The following ROBO1 variants were observed in gnomAD, a reference collection of about 807,000 sequenced individuals.
ROBO1 encodes roundabout homolog 1.
ROBO1 carries 149 observed loss-of-function variants against 195.9 expected under a neutral mutation model. That is an observed-to-expected ratio of 0.76 (90% CI 0.67 to 0.87). The LOEUF (loss-of-function observed/expected upper bound fraction) is 0.87. ROBO1 is among the 40% of genes least tolerant of loss of function. The probability of loss-of-function intolerance (pLI) is 0.00; values close to 1 mark genes in which losing one functional copy is unlikely to be tolerated. For synonymous variants in ROBO1, 816 were observed against 733.2 expected (o/e 1.11, Z -1.82); for missense variants, 1,933 against 2,068.3 (o/e 0.93, Z 1.27).
chr3:79,300,546 G>T (rs553307264), intron 2 of ROBO1, among the ~76,000 whole-genome samples: 1 of 152,172 alleles, frequency 6.6e-6, no homozygotes, highest in African/African-American at 2.4e-5. Context: ...CCCACTGAGC[G>T]CTGACCCCCG....
At chr3:78,650,656 G>T (rs904044929) in intron 19 of ROBO1, among the ~76,000 whole-genome samples, 2 of 152,128 alleles carry the variant, frequency 1.3e-5, no homozygotes, top group Non-Finnish European at 2.9e-5. Flanking sequence ...AAAATTCGTG[G>T]GAAAAAGTTG....
chr3:79,680,320 T>C (rs1946906528), intron 1 of ROBO1, among the ~76,000 whole-genome samples: 1 of 151,924 alleles, frequency 6.6e-6, no homozygotes. Flanking sequence ...CTTTGGAAAA[T>C]AGTACTAGTG....
intron 2 of ROBO1, among the ~76,000 whole-genome samples, chr3:79,503,345 A>G (rs1940214812): frequency 6.6e-6 from 1 of 152,160 alleles, no homozygotes; most frequent in South Asian, 2.1e-4. Context: ...ATCAGAAGAA[A>G]CAAACTCAGG....
At chr3:78,898,380 GTTT>G (rs773377988) in intron 4 of ROBO1, among the ~76,000 whole-genome samples, 818 of 100,876 alleles carry the variant, frequency 8.1e-3, no homozygotes, top group Non-Finnish European at 0.013. Flanking sequence ...GATAGATAGG[GTTT>G]TTTTTTTTTT....
chr3:78,620,926 G>C (rs2107430199), intron 26 of ROBO1, among the ~76,000 whole-genome samples: 1 of 133,944 alleles, frequency 7.5e-6, no homozygotes, highest in Non-Finnish European at 1.7e-5. Flanking sequence ...AGCTAGGAGA[G>C]ATATGTGCCA....
intron 8 of ROBO1, among the ~76,000 whole-genome samples, chr3:78,702,780 A>G (rs1017527742): frequency 6.6e-6 from 1 of 152,180 alleles, no homozygotes; most frequent in Non-Finnish European, 1.5e-5. Flanking sequence ...AACCTTACCC[A>G]CTGTTATGTA....
At chr3:78,676,274 C>T (rs1708418166) in intron 10 of ROBO1, among the ~76,000 whole-genome samples, 1 of 152,186 alleles carries the variant, frequency 6.6e-6, no homozygotes, top group Non-Finnish European at 1.5e-5. Context: ...AGCACCTCTC[C>T]TCCTCCAAAG....
At chr3:79,507,690 C>A (rs575720254) in intron 2 of ROBO1, among the ~76,000 whole-genome samples, 2 of 152,092 alleles carry the variant, frequency 1.3e-5, no homozygotes, top group African/African-American at 4.8e-5. Flanking sequence ...TATATGCTGG[C>A]GGTGTCATGG....
chr3:79,398,802 T>A (rs13069129), intron 2 of ROBO1, among the ~76,000 whole-genome samples: 15 of 152,238 alleles, frequency 9.9e-5, no homozygotes, highest in Admixed American at 3.3e-4. Context: ...TCAACTTTTT[T>A]AAAAAAGGTT....
At chr3:79,021,593 C>A (rs972427478) in intron 3 of ROBO1, among the ~76,000 whole-genome samples, 3 of 151,666 alleles carry the variant, frequency 2.0e-5, no homozygotes, top group African/African-American at 7.3e-5. Context: ...TAATATCACC[C>A]TTGATGTCTC....
intron 3 of ROBO1, among the ~76,000 whole-genome samples, chr3:79,102,970 G>A (rs550562518): frequency 1.3e-5 from 2 of 151,584 alleles, no homozygotes; most frequent in African/African-American, 2.4e-5. Flanking sequence ...TGTATTTGAC[G>A]ATAAAATAAA....
intron 22 of ROBO1, among the ~76,000 whole-genome samples, chr3:78,638,707 C>CA (rs1288863408): frequency 1.3e-5 from 2 of 151,598 alleles, no homozygotes; most frequent in Non-Finnish European, 1.5e-5. Context: ...TGCATCTCTA[C>CA]AAAAAAAATT....
intron 4 of ROBO1, among the ~76,000 whole-genome samples, chr3:78,827,949 T>C (rs1205975619): frequency 6.6e-6 from 1 of 152,180 alleles, no homozygotes; most frequent in Non-Finnish European, 1.5e-5. Context: ...TTGGTTCCCA[T>C]GGCATAGCCG....
intron 3 of ROBO1, among the ~76,000 whole-genome samples, chr3:79,069,202 T>C (rs2079049030): frequency 1.3e-5 from 2 of 151,940 alleles, no homozygotes; most frequent in African/African-American, 4.8e-5. Flanking sequence ...TTTATTTCTG[T>C]TAATAATATT....
At chr3:79,304,422 GGT>G in intron 2 of ROBO1, among the ~76,000 whole-genome samples, 1 of 152,234 alleles carries the variant, frequency 6.6e-6, no homozygotes, top group East Asian at 1.9e-4. Context: ...TAATTTGATA[GGT>G]TTATACATCT....
chr3:78,781,288 TCTCCGA>T (rs2108483042), intron 4 of ROBO1, among the ~76,000 whole-genome samples: 1 of 152,238 alleles, frequency 6.6e-6, no homozygotes, highest in South Asian at 2.1e-4. Context: ...AGTCACCTTC[TCTCCGA>T]CTCCAATTTC....
At chr3:78,925,297 T>A (rs1412312589) in intron 4 of ROBO1, among the ~76,000 whole-genome samples, 1 of 152,228 alleles carries the variant, frequency 6.6e-6, no homozygotes, top group Non-Finnish European at 1.5e-5. Context: ...AATTTTATAG[T>A]CAAATTTTAT....
At chr3:78,963,809 G>T (rs182881851) in intron 3 of ROBO1, among the ~76,000 whole-genome samples, 1 of 152,060 alleles carries the variant, frequency 6.6e-6, no homozygotes, top group Non-Finnish European at 1.5e-5. Context: ...GAGCCACAGC[G>T]CCCCTCCCCT....
chr3:79,656,700 G>T (rs1191653865), intron 1 of ROBO1, among the ~76,000 whole-genome samples: 1 of 151,830 alleles, frequency 6.6e-6, no homozygotes, highest in Non-Finnish European at 1.5e-5. Context: ...TTTGAGACGA[G>T]CCTGGACAAC....
Sources: allele counts gnomAD v4.1 joint callset (sites outside exome capture counted in the v4.1 genomes callset), GRCh38; gene constraint gnomAD v4.1.1; transcripts MANE v1.5; gene names NCBI Gene and HGNC (gene_info 2026-07-23, HGNC 2026-07-21).